Variants in EPB41L1 observed in about 807,000 individuals in gnomAD.
EPB41L1 encodes the protein erythrocyte membrane protein band 4.1 like 1, also known as band 4.1-like protein 1.
EPB41L1 carries 29 observed loss-of-function variants against 97.8 expected under a neutral mutation model. That is an observed-to-expected ratio of 0.30 (90% CI 0.22 to 0.40). The LOEUF (loss-of-function observed/expected upper bound fraction) is 0.40. Among genes scored for constraint, EPB41L1 ranks in the 10% least tolerant of loss-of-function variants. The pLI, the probability that EPB41L1 is intolerant of heterozygous loss-of-function variation, is 1.00. For synonymous variants in EPB41L1, 383 were observed against 459.2 expected (o/e 0.83, Z 2.12); for missense variants, 812 against 1,162.3 (o/e 0.70, Z 4.38).
At chr20:36,204,773 C>T (rs1338817545) in intron 14 of EPB41L1, among the ~76,000 whole-genome samples, 4 of 152,098 alleles carry the variant, frequency 2.6e-5, no homozygotes, top group Admixed American at 2.6e-4. Context: ...TCCCAAGTAG[C>T]TGGGATTACA....
intron 2 of EPB41L1, chr20:36,148,666 T>C (rs2059929229): frequency 6.6e-6 from 1 of 152,224 alleles, no homozygotes; most frequent in African/African-American, 2.4e-5. Flanking sequence ...GAGACCAGCA[T>C]TGTTTTTAGC....
chr20:36,149,610 CA>C lies in EPB41L1; in HGVS notation c.-9-25940del, dbSNP rs1257262118. 3.9e-5 allele frequency among the ~76,000 whole-genome samples: 6 copies of C among 152,372 alleles called. No homozygotes were observed. The South Asian group carries it at 8.3e-4, about 21-fold the overall frequency. ...CACAGCTGCCCTGTGGTGCCCTCTG[CA>C]GAGTGCCAACCTCAGTGAAACAGCC... On this transcript the variant is annotated intron_variant, in intron 2 of 19. Transcript: ENST00000202028.
intron 2 of EPB41L1, among the ~76,000 whole-genome samples, chr20:36,118,145 T>C (rs1257093263): frequency 2.0e-5 from 3 of 152,172 alleles, no homozygotes; most frequent in Admixed American, 1.3e-4. Context: ...AAGAAAAGGC[T>C]TGGACTGGAC....
intron 14 of EPB41L1, among the ~76,000 whole-genome samples, chr20:36,200,441 C>T (rs2062436319): frequency 6.6e-6 from 1 of 151,462 alleles, no homozygotes; most frequent in South Asian, 2.1e-4. Flanking sequence ...AAGGGGAAAA[C>T]AGAGGGAACT....
At chr20:36,121,443 G>A (rs2058750061) in intron 2 of EPB41L1, among the ~76,000 whole-genome samples, 1 of 152,126 alleles carries the variant, frequency 6.6e-6, no homozygotes, top group Admixed American at 6.6e-5. Flanking sequence ...GTCAGGCTTG[G>A]GCTGTGATCC....
At chr20:36,165,740 A>T (rs1210056113) in intron 1 of EPB41L1, among the ~76,000 whole-genome samples, 1 of 152,202 alleles carries the variant, frequency 6.6e-6, no homozygotes, top group Admixed American at 6.5e-5. Context: ...CCCAAAGCTG[A>T]TCAGATCGGA....
chr20:36,213,667 G>A (rs2063271282), intron 16 of EPB41L1, among the ~76,000 whole-genome samples: 1 of 151,996 alleles, frequency 6.6e-6, no homozygotes, highest in South Asian at 2.1e-4. Flanking sequence ...AGATCCCACA[G>A]CCCAGTAACC....
chr20:36,108,890 C>A (rs1030098668), intron 1 of EPB41L1, among the ~76,000 whole-genome samples: 1 of 151,832 alleles, frequency 6.6e-6, no homozygotes, highest in Non-Finnish European at 1.5e-5. Context: ...GGGCCTTGCC[C>A]CTTGGTGGAA....
intron 2 of EPB41L1, among the ~76,000 whole-genome samples, 187 bp downstream of exon 2, chr20:36,174,141 T>C (rs1417789177): frequency 6.6e-6 from 1 of 152,196 alleles, no homozygotes; most frequent in Non-Finnish European, 1.5e-5. Context: ...GAGACAGATC[T>C]CACTCTGTTG....
At chr20:36,188,664 A>G (rs893454379) in intron 9 of EPB41L1, among the ~76,000 whole-genome samples, 165 bp downstream of exon 9, 1 of 150,712 alleles carries the variant, frequency 6.6e-6, no homozygotes, top group African/African-American at 2.5e-5. Flanking sequence ...AGAGAGAGAG[A>G]GAGAGGAGTC....
upstream of EPB41L1, chr20:36,153,039 C>G (rs1333072075): frequency 6.6e-6 from 3 of 456,732 alleles, no homozygotes; most frequent in Non-Finnish European, 1.3e-5. Flanking sequence ...GCTGCTGAAC[C>G]TGGTGAGCAG....
At chr20:36,205,294 G>A (rs913397022) in intron 14 of EPB41L1, among the ~76,000 whole-genome samples, 2 of 152,192 alleles carry the variant, frequency 1.3e-5, no homozygotes, top group African/African-American at 4.8e-5. Flanking sequence ...AGTTAGCAAA[G>A]ATCTCCGGCC....
chr20:36,186,453 G>A (rs907793322), intron 7 of EPB41L1, among the ~76,000 whole-genome samples: 2 of 152,124 alleles, frequency 1.3e-5, no homozygotes, highest in Non-Finnish European at 1.5e-5. Context: ...GATGTGGAGG[G>A]ATCGTGTACG....
chr20:36,212,219 A>G lies in EPB41L1; in HGVS notation c.2080-53A>G. 6.4e-7 allele frequency: 1 copy of G among 1,561,940 alleles called. No individual in the cohort carries two copies. Among genetic ancestry groups the G allele is most frequent in the Non-Finnish European group, 8.8e-7 (1 of 1,132,846 alleles). On this transcript the variant is annotated intron_variant, in intron 15 of 21. Transcript: ENST00000338074. This position sits in a 1 kb window ranked among gnomAD's most constrained non-coding sequence, Gnocchi z 4.8. ...CACCACACTGCAATTGTCTGTGAGC[A>G]AGGGTCATGCTAGGGTTTCAGTTAC...
In EPB41L1 at chr20:36,182,204, G is replaced by T. The variant is rs763046493; in HGVS notation, c.491-68G>T. On this transcript the variant is annotated intron_variant, in intron 5 of 21. Transcript: ENST00000338074. The stretch of plus-strand genomic sequence containing the variant: ...GAGAAACTTTGAAAAACTGCCCAGA[G>T]GATGGTGCATCTGGACCACCCAGTG... 2.1e-6 allele frequency: 3 copies of T among 1,412,314 alleles called. No homozygotes were observed. The African/African-American group carries it at 4.2e-5, about 20-fold the overall frequency. 87.5% of individuals were successfully genotyped at this position (1,412,314 alleles called of 1,614,324 possible). A position where few individuals can be genotyped will look rare whatever the true frequency, so the allele number is the denominator to read the frequency against.
chr20:36,196,552 G>T (rs1344119267), intron 13 of EPB41L1, among the ~76,000 whole-genome samples: 4 of 152,212 alleles, frequency 2.6e-5, no homozygotes, highest in African/African-American at 9.7e-5. Flanking sequence ...CAGATGTCTG[G>T]AGGGAAAGCA....
intron 2 of EPB41L1, among the ~76,000 whole-genome samples, chr20:36,116,996 GA>G (rs1259961373): frequency 6.6e-6 from 1 of 152,234 alleles, no homozygotes; most frequent in Non-Finnish European, 1.5e-5. Context: ...TTGAGGTTCA[GA>G]GGAGGAAAAT....
intron 2 of EPB41L1, among the ~76,000 whole-genome samples, chr20:36,115,185 A>T (rs1251102968): frequency 7.9e-5 from 12 of 152,160 alleles, no homozygotes; most frequent in Admixed American, 7.9e-4. Context: ...CGATGAGGAA[A>T]CTGAGGCCCT....
rs1384366428 is a variant in EPB41L1, at chr20:36,195,475, A to G, written c.1485+111A>G. The G allele has an allele frequency of 1.6e-6, 2 of 1,272,434 alleles. No individual in the cohort carries two copies. Among genetic ancestry groups the G allele is most frequent in the African/African-American group, 1.5e-5 (1 of 67,724 alleles). The allele number at this position is 1,272,434 out of a possible 1,614,324, so 78.8% of individuals were successfully genotyped here. On this transcript the variant is annotated intron_variant, in intron 13 of 21. Coordinates refer to ENST00000338074, the MANE Select transcript of EPB41L1 (RefSeq NM_012156.2). This position sits in a 1 kb window ranked among gnomAD's most constrained non-coding sequence, Gnocchi z 4.6. Reference sequence around the variant, plus strand: ...CTTCCCTGGCACCATCTCAGCTTCAACTTCATCTCTGCTCCCCAGCCATCC... The same window carrying G: ...CTTCCCTGGCACCATCTCAGCTTCAGCTTCATCTCTGCTCCCCAGCCATCC...
Sources: allele counts gnomAD v4.1 joint callset (sites outside exome capture counted in the v4.1 genomes callset), GRCh38; gene constraint gnomAD v4.1.1; non-coding constraint Gnocchi (gnomAD v3.1); transcripts MANE v1.5; gene names NCBI Gene and HGNC (gene_info 2026-07-23, HGNC 2026-07-21).